The following KIAA1217 variants were observed in gnomAD, a reference collection of about 807,000 sequenced individuals.
The protein encoded by KIAA1217 is sickle tail protein homolog.
In KIAA1217, 88 loss-of-function variants were observed where a neutral mutation model predicts 163.9. The observed-to-expected ratio is 0.54, with a 90% CI of 0.45 to 0.64. The LOEUF (loss-of-function observed/expected upper bound fraction) is 0.64. Among genes scored for constraint, KIAA1217 ranks in the 30% least tolerant of loss-of-function variants. KIAA1217 has a pLI of 0.00. For synonymous variants in KIAA1217, 903 were observed against 923.1 expected (o/e 0.98, Z 0.39); for missense variants, 2,372 against 2,475.0 (o/e 0.96, Z 0.88).
intron 1 of KIAA1217, among the ~76,000 whole-genome samples, chr10:23,934,363 C>G (rs926177376): frequency 2.7e-5 from 4 of 150,254 alleles, no homozygotes; most frequent in Non-Finnish European, 5.9e-5. Context: ...GGGAACAACA[C>G]ACACTAGGGC....
chr10:24,522,286 T>C (rs1325274708), intron 12 of KIAA1217, among the ~76,000 whole-genome samples: 2 of 152,128 alleles, frequency 1.3e-5, no homozygotes, highest in Admixed American at 1.3e-4. Flanking sequence ...ACTGAGCCAC[T>C]GCACTCCAGC....
chr10:24,086,821 C>T (rs909836062), intron 2 of KIAA1217, among the ~76,000 whole-genome samples: 1 of 152,164 alleles, frequency 6.6e-6, no homozygotes, highest in African/African-American at 2.4e-5. Flanking sequence ...TCCTGGTTTC[C>T]TATGAGGGAC....
intron 2 of KIAA1217, among the ~76,000 whole-genome samples, chr10:24,360,677 A>G (rs2049852458): frequency 6.6e-6 from 1 of 152,162 alleles, no homozygotes; most frequent in African/African-American, 2.4e-5. Flanking sequence ...ATTATGCTGG[A>G]GACTGTATCA....
intron 2 of KIAA1217, among the ~76,000 whole-genome samples, chr10:24,286,073 C>A (rs1477801100): frequency 2.0e-5 from 3 of 152,056 alleles, no homozygotes; most frequent in Non-Finnish European, 4.4e-5. Context: ...TATCCTGAAG[C>A]CTTAGTGAAG....
chr10:23,819,041 T>G (rs939548442), intron 1 of KIAA1217, among the ~76,000 whole-genome samples: 1 of 152,326 alleles, frequency 6.6e-6, no homozygotes, highest in Non-Finnish European at 1.5e-5. Flanking sequence ...CATTTTAAAG[T>G]GTGGATTATT....
intron 2 of KIAA1217, among the ~76,000 whole-genome samples, chr10:24,118,439 C>T (rs905935845): frequency 3.3e-5 from 5 of 152,200 alleles, no homozygotes; most frequent in African/African-American, 9.7e-5. Context: ...TTCCACACCC[C>T]CTCGAATTTG....
intron 1 of KIAA1217, among the ~76,000 whole-genome samples, chr10:23,933,064 A>G (rs1843323445): frequency 6.6e-6 from 1 of 152,248 alleles, no homozygotes; most frequent in Non-Finnish European, 1.5e-5. Flanking sequence ...TTGCCTTAGC[A>G]TCACAACATT....
At chr10:24,434,462 C>T (rs750866291) in intron 4 of KIAA1217, among the ~76,000 whole-genome samples, 11 of 152,136 alleles carry the variant, frequency 7.2e-5, no homozygotes, top group Non-Finnish European at 1.6e-4. Flanking sequence ...CTCTGCCTTC[C>T]GAGTAGCTGG....
At chr10:24,370,236 G>C (rs1396663087) in intron 2 of KIAA1217, among the ~76,000 whole-genome samples, 1 of 132,740 alleles carries the variant, frequency 7.5e-6, no homozygotes, top group Non-Finnish European at 1.5e-5. Context: ...CTGCACTCCA[G>C]CCTGGGCAAC....
At chr10:24,364,741 C>T (rs1006788236) in intron 2 of KIAA1217, among the ~76,000 whole-genome samples, 10 of 152,026 alleles carry the variant, frequency 6.6e-5, no homozygotes, top group Admixed American at 5.2e-4. Flanking sequence ...GTGTGTTTCT[C>T]TTGCCTGCCT....
intron 1 of KIAA1217, among the ~76,000 whole-genome samples, chr10:23,979,585 T>A (rs1350572652): frequency 6.6e-6 from 1 of 152,228 alleles, no homozygotes. Context: ...CGGAAAATCA[T>A]ACAAAACAAA....
intron 1 of KIAA1217, among the ~76,000 whole-genome samples, chr10:23,744,790 T>A (rs1839307553): frequency 6.6e-6 from 1 of 152,180 alleles, no homozygotes; most frequent in Non-Finnish European, 1.5e-5. Context: ...AAGGTACATA[T>A]TCCTGTGATT....
At chr10:24,420,067 C>T (rs570046290) in intron 3 of KIAA1217, among the ~76,000 whole-genome samples, 69 of 152,014 alleles carry the variant, frequency 4.5e-4, no homozygotes, top group African/African-American at 1.7e-3. Context: ...ATTTTCTCTG[C>T]GATGGTCAGC....
chr10:23,799,981 C>T (rs886409927), intron 1 of KIAA1217, among the ~76,000 whole-genome samples: 2 of 152,138 alleles, frequency 1.3e-5, no homozygotes, highest in South Asian at 2.1e-4. Context: ...TCTTTTGCCT[C>T]GCCTGTATAA....
At chr10:24,499,447 A>G (rs865993543) in intron 8 of KIAA1217, among the ~76,000 whole-genome samples, 10 of 152,274 alleles carry the variant, frequency 6.6e-5, no homozygotes, top group African/African-American at 9.6e-5. Context: ...TAGAAACATA[A>G]CGTGGCTGGG....
intron 1 of KIAA1217, among the ~76,000 whole-genome samples, chr10:23,821,990 G>A (rs1046023049): frequency 2.6e-5 from 4 of 152,190 alleles, no homozygotes; most frequent in African/African-American, 9.7e-5. Context: ...TGCTGCTTGT[G>A]TTCAGGCTAC....
chr10:23,887,378 T>C (rs1349458525), intron 1 of KIAA1217, among the ~76,000 whole-genome samples: 1 of 151,926 alleles, frequency 6.6e-6, no homozygotes, highest in Non-Finnish European at 1.5e-5. Context: ...CCATTGTTAA[T>C]GTTCTTATAA....
At chr10:23,829,086 TAAGGAAA>T (rs1838048743) in intron 1 of KIAA1217, among the ~76,000 whole-genome samples, 3 of 152,152 alleles carry the variant, frequency 2.0e-5, no homozygotes, top group Non-Finnish European at 2.9e-5. Flanking sequence ...GATAAAGGGA[TAAGGAAA>T]TATAACACTA....
chr10:23,751,403 C>T (rs927706393), intron 1 of KIAA1217, among the ~76,000 whole-genome samples: 3 of 152,074 alleles, frequency 2.0e-5, no homozygotes, highest in South Asian at 2.1e-4. Flanking sequence ...TATTCAATCA[C>T]GTATTTTAAT....
Sources: allele counts gnomAD v4.1 joint callset (sites outside exome capture counted in the v4.1 genomes callset), GRCh38; gene constraint gnomAD v4.1.1; transcripts MANE v1.5; gene names NCBI Gene and HGNC (gene_info 2026-07-23, HGNC 2026-07-21).